The following LYN variants were observed in gnomAD, a reference collection of about 807,000 sequenced individuals.
The protein encoded by LYN is LYN proto-oncogene, Src family tyrosine kinase, also known as tyrosine-protein kinase Lyn.
LYN carries 12 observed loss-of-function variants against 65.0 expected under a neutral mutation model. The observed-to-expected ratio is 0.18, with a 90% confidence interval of 0.12 to 0.30. The LOEUF is 0.30. LYN is among the 10% of genes least tolerant of loss of function. The pLI is 1.00. For synonymous variants in LYN, 222 were observed against 221.2 expected (o/e 1.00, Z -0.03); for missense variants, 380 against 623.2 (o/e 0.61, Z 4.16).
At chr8:56,006,450 CA>C (rs1289534485) in intron 12 of LYN, among the ~76,000 whole-genome samples, 1 of 152,190 alleles carries the variant, frequency 6.6e-6, no homozygotes, top group Non-Finnish European at 1.5e-5. Flanking sequence ...GTTTGTGGTA[CA>C]GCTGTGCTCC....
intron 6 of LYN, among the ~76,000 whole-genome samples, chr8:55,951,075 T>G (rs748317186): frequency 6.6e-5 from 10 of 151,546 alleles, no homozygotes; most frequent in Non-Finnish European, 2.9e-5. Flanking sequence ...AGACCCCATC[T>G]CTACAAGAAA....
At chr8:55,912,704 G>A (rs1381215351) in intron 1 of LYN, among the ~76,000 whole-genome samples, 3 of 148,898 alleles carry the variant, frequency 2.0e-5, no homozygotes, top group African/African-American at 7.5e-5. Flanking sequence ...TCCAGTCTGG[G>A]TGACAGAGTG....
intron 1 of LYN, among the ~76,000 whole-genome samples, chr8:55,930,178 G>A (rs1302160196): frequency 3.3e-5 from 5 of 152,184 alleles, no homozygotes; most frequent in Non-Finnish European, 1.5e-5. Context: ...AAAGGTTGGG[G>A]ACCACTGCTC....
chr8:55,963,234 G>A (rs2130516830), intron 8 of LYN, among the ~76,000 whole-genome samples: 1 of 152,310 alleles, frequency 6.6e-6, no homozygotes, highest in South Asian at 2.1e-4. Flanking sequence ...GAGTGGGAGT[G>A]GATTTGCTGG....
intron 1 of LYN, among the ~76,000 whole-genome samples, chr8:55,915,848 G>A (rs1161870172): frequency 1.3e-5 from 2 of 152,092 alleles, no homozygotes; most frequent in African/African-American, 2.4e-5. Context: ...GAGAGACATC[G>A]AGGATAAGAG....
chr8:55,960,872 A>G (rs1347923163), intron 8 of LYN, among the ~76,000 whole-genome samples: 1 of 152,170 alleles, frequency 6.6e-6, no homozygotes. Flanking sequence ...GGATAAAAGA[A>G]AGAGGTGTCT....
At chr8:55,997,325 C>G (rs1433340006) in intron 10 of LYN, among the ~76,000 whole-genome samples, 2 of 152,150 alleles carry the variant, frequency 1.3e-5, no homozygotes, top group African/African-American at 4.8e-5. Flanking sequence ...TTCTCCAACT[C>G]TATTTTCATA....
intron 10 of LYN, among the ~76,000 whole-genome samples, chr8:55,992,607 T>C (rs2719253): frequency 0.26 from 40,280 of 152,144 alleles, 5,793 homozygotes; most frequent in African/African-American, 0.35. Context: ...GGTAACAGTC[T>C]ACCTGTGAGG....
chr8:55,900,546 T>A (rs1210923898), intron 1 of LYN, among the ~76,000 whole-genome samples: 1 of 150,510 alleles, frequency 6.6e-6, no homozygotes, highest in African/African-American at 2.4e-5. Flanking sequence ...CTAATTTTTT[T>A]TTTTTTTTTT....
rs375530043 is a variant in LYN, at chr8:55,984,649, G to A, written c.1051-13697G>A. ...CTCAAAGTGAGTAATCTAGGAGCTG[G>A]CTCTCTACTCCTGTGCTCAGCTGTG... On this transcript the variant is annotated intron_variant, in intron 10 of 12. Coordinates refer to ENST00000519728, the MANE Select transcript of LYN (RefSeq NM_002350.4). Among the ~76,000 whole-genome samples the A allele has an allele frequency of 4.6e-5, 7 of 152,182 alleles. No homozygotes were observed. The South Asian group carries it at 1.0e-3, about 22-fold the overall frequency.
intron 1 of LYN, among the ~76,000 whole-genome samples, chr8:55,919,503 A>G (rs1250132426): frequency 6.6e-6 from 1 of 152,176 alleles, no homozygotes; most frequent in Non-Finnish European, 1.5e-5. Context: ...TGATTTTACC[A>G]TGGAGGGATG....
In LYN at chr8:55,944,736, C is replaced by T. The variant is rs1300399842; in HGVS notation, c.133-1712C>T. ...CCTCAGGTGATTCACCCACCTCGGCCTCTCAAAGTGTTGGGAATACAGGCG... is the reference window on the plus strand; with the variant it reads ...CCTCAGGTGATTCACCCACCTCGGCTTCTCAAAGTGTTGGGAATACAGGCG... On this transcript the variant is annotated intron_variant, in intron 2 of 12. Coordinates refer to ENST00000519728, the MANE Select transcript of LYN (RefSeq NM_002350.4). Among the ~76,000 whole-genome samples, 4 of 152,198 alleles carry T rather than the reference C, an allele frequency of 2.6e-5. No individual in the cohort carries two copies. In the South Asian group the frequency reaches 6.2e-4, roughly 24 times the overall value.
At chr8:55,919,376 G>T (rs1171011813) in intron 1 of LYN, among the ~76,000 whole-genome samples, 1 of 152,060 alleles carries the variant, frequency 6.6e-6, no homozygotes, top group Non-Finnish European at 1.5e-5. Context: ...GAAGAATGAG[G>T]AACATAAATA....
intron 10 of LYN, among the ~76,000 whole-genome samples, chr8:55,973,023 T>C (rs1277615331): frequency 2.0e-5 from 3 of 152,192 alleles, no homozygotes; most frequent in African/African-American, 4.8e-5. Flanking sequence ...AGATTGGTCA[T>C]TGGGAGTAGA....
At chr8:55,966,568 G>A in intron 8 of LYN, 147 bp from the exon 9 acceptor site, 1 of 605,102 alleles carries the variant, frequency 1.7e-6, no homozygotes, top group Non-Finnish European at 2.8e-6. Flanking sequence ...GGGTTTCACT[G>A]TTTTAGCCAG....
chr8:55,881,808 C>T (rs761614720), intron 1 of LYN, among the ~76,000 whole-genome samples: 8 of 152,254 alleles, frequency 5.3e-5, no homozygotes, highest in East Asian at 1.9e-4. Flanking sequence ...CTGTATTAAC[C>T]ATTACAGTGG....
intron 4 of LYN, among the ~76,000 whole-genome samples, chr8:55,949,842 A>G (rs1018207718): frequency 6.6e-6 from 1 of 152,172 alleles, no homozygotes; most frequent in African/African-American, 2.4e-5. Context: ...TAGTCACAGA[A>G]TTGTGCAATC....
intron 8 of LYN, among the ~76,000 whole-genome samples, chr8:55,956,870 G>C (rs1045755981): frequency 2.0e-5 from 3 of 152,196 alleles, no homozygotes; most frequent in Admixed American, 6.5e-5. Flanking sequence ...CTTTGTGTGG[G>C]GAGAAGGAGG....
intron 10 of LYN, among the ~76,000 whole-genome samples, chr8:55,974,954 A>G (rs1312752800): frequency 6.6e-6 from 1 of 152,186 alleles, no homozygotes; most frequent in Admixed American, 6.5e-5. Context: ...TCCCCACTCC[A>G]TATATAATCT....
Sources: allele counts gnomAD v4.1 joint callset (sites outside exome capture counted in the v4.1 genomes callset), GRCh38; gene constraint gnomAD v4.1.1; transcripts MANE v1.5; gene names NCBI Gene and HGNC (gene_info 2026-07-23, HGNC 2026-07-21).